The following MACF1 variants were observed in gnomAD, a reference collection of about 807,000 sequenced individuals.
MACF1 encodes the protein microtubule-actin cross-linking factor 1.
In MACF1, 193 loss-of-function variants were observed where a neutral mutation model predicts 854.8. That is an observed-to-expected ratio of 0.23 (90% CI 0.20 to 0.25). The LOEUF is 0.25. Among genes scored for constraint, MACF1 ranks in the 10% least tolerant of loss-of-function variants. MACF1 has a pLI of 1.00. For synonymous variants in MACF1, 3,185 were observed against 3,226.7 expected, an observed-to-expected ratio of 0.99 and a Z score of 0.44; for missense variants, 7,722 against 8,929.1, an observed-to-expected ratio of 0.86 and a Z score of 5.45.
chr1:39,145,537 C>A (rs747097644), intron 2 of MACF1, among the ~76,000 whole-genome samples: 10 of 152,040 alleles, frequency 6.6e-5, no homozygotes, highest in Non-Finnish European at 1.2e-4. Flanking sequence ...TTCTTTACCA[C>A]CAAACTACCT....
At chr1:39,379,158 C>G (rs112553473) in intron 53 of MACF1, 45 bp from the exon 54 acceptor site, 1 of 1,526,140 alleles carries the variant, frequency 6.6e-7, no homozygotes, top group Non-Finnish European at 8.8e-7. Flanking sequence ...AAGGAGCATA[C>G]TCGAAGAGCT....
chr1:39,286,888 T>C (rs1430622633), intron 14 of MACF1, among the ~76,000 whole-genome samples: 3 of 152,256 alleles, frequency 2.0e-5, no homozygotes, highest in African/African-American at 7.2e-5. Flanking sequence ...ATGAAGATGT[T>C]CATAATATCA....
Position 39,485,999 on chromosome 1 carries a change from T to A in MACF1, c.*205T>A. The A allele has an allele frequency of 2.3e-6, 1 of 428,060 alleles. No homozygotes were observed. The allele number at this position is 428,060 out of a possible 1,614,324, so 26.5% of individuals were successfully genotyped here. A position where few individuals can be genotyped will look rare whatever the true frequency, so the allele number is the denominator to read the frequency against. ...GATAAAATTTGCCTCCTGGTAACCC[T>A]GTAATGGATGGGGCCCAGAAATGAA... On this transcript the variant is annotated 3_prime_UTR_variant, in exon 101 of 101. Transcript: ENST00000564288.
chr1:39,433,731 T>C lies in MACF1; in HGVS notation c.17565+576T>C, dbSNP rs557647025. Among the ~76,000 whole-genome samples the C allele has an allele frequency of 1.2e-3, 184 of 152,292 alleles. 2 individuals are homozygous for C. The highest frequency in any genetic ancestry group is 4.4e-3 in the African/African-American group (182 of 41,546). ...AAGAAAAATGACAGGCAAAACTTGATAGGCAAAGATTCCATCGTAGCCCCT... is the reference window on the plus strand; with the variant it reads ...AAGAAAAATGACAGGCAAAACTTGACAGGCAAAGATTCCATCGTAGCCCCT... On this transcript the variant is annotated intron_variant, in intron 68 of 100. Coordinates refer to ENST00000564288, the MANE Select transcript of MACF1 (RefSeq NM_001394062.1).
rs1413408897 is a variant in MACF1 at position 39,474,213 on chromosome 1, G to A, written c.21958+4598G>A. On this transcript the variant is annotated intron_variant, in intron 97 of 100. Coordinates refer to ENST00000564288, the MANE Select transcript of MACF1 (RefSeq NM_001394062.1). The stretch of plus-strand genomic sequence containing the variant: ...ACCAGCCGGGCCAATATGGTGAAAC[G>A]CTGTTTCTACTGAAAATATAAAAAA... Among the ~76,000 whole-genome samples the A allele has an allele frequency of 2.6e-5, 4 of 151,524 alleles. No homozygotes were observed. In the South Asian group the frequency reaches 6.3e-4, roughly 24 times the overall value.
In MACF1 at chr1:39,318,647, T is replaced by A. The variant is rs765715415; in HGVS notation, c.3945+32T>A. The A allele has an allele frequency of 2.0e-6, 3 of 1,532,326 alleles. No homozygotes were observed. The African/African-American group carries it at 4.2e-5, about 21-fold the overall frequency. The allele number at this position is 1,532,326 out of a possible 1,614,324, so 94.9% of individuals were successfully genotyped here. ...GTGGTAGTAGCTCTGGCGAGAAGAGTTAGAAATTTAAATTTTCTTTATCAT... is the reference window on the plus strand; with the variant it reads ...GTGGTAGTAGCTCTGGCGAGAAGAGATAGAAATTTAAATTTTCTTTATCAT... On this transcript the variant is annotated intron_variant, in intron 30 of 100. Coordinates refer to ENST00000564288, the MANE Select transcript of MACF1 (RefSeq NM_001394062.1).
chr1:39,216,996 C>T (rs1169128582), intron 1 of MACF1, among the ~76,000 whole-genome samples: 1 of 152,152 alleles, frequency 6.6e-6, no homozygotes, highest in Non-Finnish European at 1.5e-5. Context: ...GGGGACATTG[C>T]TTAACCTTTC....
Position 39,380,412 on chromosome 1 carries a change from C to T in MACF1, c.13648+39C>T, listed in dbSNP as rs374973824. The stretch of plus-strand genomic sequence containing the variant: ...AGAGTGTTACAAATTTGCTAAGTTA[C>T]TTGTCTTCAAAGCAAGTAGAGAATT... On this transcript the variant is annotated intron_variant, in intron 55 of 100. Coordinates refer to ENST00000564288, the MANE Select transcript of MACF1 (RefSeq NM_001394062.1). 260 of 1,586,650 alleles carry T rather than the reference C, an allele frequency of 1.6e-4. 1 individual carries two copies. Among genetic ancestry groups the T allele is most frequent in the African/African-American group, 2.7e-4 (20 of 73,504 alleles).
intron 26 of MACF1, among the ~76,000 whole-genome samples, chr1:39,314,548 TTCTCTCTC>T (rs147825623): frequency 7.9e-6 from 1 of 126,388 alleles, no homozygotes; most frequent in African/African-American, 2.9e-5. Flanking sequence ...CAATTTCTCT[TTCTCTCTC>T]TCTCTCTCTC....
In MACF1 at chr1:39,210,482, C is replaced by T. The variant is rs188262653; in HGVS notation, c.109+5351C>T. ...CCCAAGTAGCTGGGACTATAGGCAC[C>T]CTCTACCATGCCTGGCTCTTTTTCT... On this transcript the variant is annotated intron_variant, in intron 1 of 100. Transcript: ENST00000564288. Among the ~76,000 whole-genome samples, 912 of 151,778 alleles carry T rather than the reference C, an allele frequency of 6.0e-3. 16 individuals carry two copies. Among genetic ancestry groups the T allele is most frequent in the African/African-American group, 0.021 (857 of 41,410 alleles).
rs187517107 is a variant in MACF1, at chr1:39,108,918, G to A, written c.220+24480G>A. Among the ~76,000 whole-genome samples, 296 of 152,298 alleles carry A rather than the reference G, an allele frequency of 1.9e-3. 2 individuals are homozygous for A. The highest frequency in any genetic ancestry group is 6.9e-3 in the African/African-American group (286 of 41,544). On this transcript the variant is annotated intron_variant, in intron 2 of 93. Transcript: ENST00000361689. Reference sequence around the variant, plus strand: ...TCTGGTACTTATGAAATTCAGAATTGTCACTAAGTGTTGTGGGTTATACGA... The same window carrying A: ...TCTGGTACTTATGAAATTCAGAATTATCACTAAGTGTTGTGGGTTATACGA...
chr1:39,198,068 C>T (rs868166189), intron 2 of MACF1, among the ~76,000 whole-genome samples: 8 of 152,078 alleles, frequency 5.3e-5, no homozygotes, highest in African/African-American at 1.9e-4. Flanking sequence ...CGTGGTGGCA[C>T]ATGCCTGTAG....
At chr1:39,104,425 G>T (rs1642167956) in intron 2 of MACF1, among the ~76,000 whole-genome samples, 2 of 152,136 alleles carry the variant, frequency 1.3e-5, no homozygotes, top group Admixed American at 1.3e-4. Context: ...TGATGACAAA[G>T]AATAATTGGC....
At chr1:39,363,297 T>C (rs1293543257) in intron 49 of MACF1, among the ~76,000 whole-genome samples, 1 of 152,214 alleles carries the variant, frequency 6.6e-6, no homozygotes. Flanking sequence ...GTATAGGAAG[T>C]GAATAAGGAT....
At chr1:39,380,196 T>C in intron 54 of MACF1, 48 bp from the exon 55 acceptor site, 1 of 1,593,974 alleles carries the variant, frequency 6.3e-7, no homozygotes, top group Non-Finnish European at 8.6e-7. Flanking sequence ...CACACAACTT[T>C]GTTTCCTGTC....
intron 6 of MACF1, among the ~76,000 whole-genome samples, chr1:39,272,598 C>T (rs994653783): frequency 6.6e-6 from 1 of 152,170 alleles, no homozygotes; most frequent in Non-Finnish European, 1.5e-5. Context: ...CAGACTGTCT[C>T]CTCTGTTGAT....
At chr1:39,234,183 C>G (rs1044287613) in intron 2 of MACF1, among the ~76,000 whole-genome samples, 12 of 151,752 alleles carry the variant, frequency 7.9e-5, no homozygotes, top group Admixed American at 3.9e-4. Flanking sequence ...TCTCCCATGT[C>G]TACTTCTTTC....
intron 2 of MACF1, among the ~76,000 whole-genome samples, chr1:39,150,325 CTT>C (rs960146742): frequency 2.0e-5 from 3 of 152,054 alleles, no homozygotes; most frequent in African/African-American, 7.2e-5. Context: ...GGCATAAACT[CTT>C]TTTTGTCTCT....
Position 39,231,161 on chromosome 1 carries a change from TTC to T in MACF1, c.110-17_110-16del. 1 of 1,612,518 alleles carries T rather than the reference TTC, an allele frequency of 6.2e-7. No homozygotes were observed. Among genetic ancestry groups the T allele is most frequent in the Non-Finnish European group, 8.5e-7 (1 of 1,178,486 alleles). Reference sequence around the variant, plus strand: ...ACCTGGGTAGCACTAAGCCAGTGCCTTCTCTGTGTTTCCTTTACAGATGAACG... The same window carrying T: ...ACCTGGGTAGCACTAAGCCAGTGCCTTCTGTGTTTCCTTTACAGATGAACG... On this transcript the variant is annotated intron_variant, in intron 1 of 100. Coordinates refer to ENST00000564288, the MANE Select transcript of MACF1 (RefSeq NM_001394062.1).
Sources: gnomAD v4.1 joint callset for allele counts (sites outside exome capture counted in the v4.1 genomes callset) on GRCh38, gnomAD v4.1.1 for gene constraint, MANE v1.5 for transcripts, NCBI Gene and HGNC (gene_info 2026-07-23, HGNC 2026-07-21) for gene names.